Variants in CACNA1C observed in about 807,000 individuals in gnomAD.
The protein encoded by CACNA1C is voltage-dependent L-type calcium channel subunit alpha-1C.
In CACNA1C, 30 loss-of-function variants were observed where a neutral mutation model predicts 229.0. That is an observed-to-expected ratio of 0.13 (90% CI 0.10 to 0.18). The LOEUF is 0.18. Among genes scored for constraint, CACNA1C ranks in the 10% least tolerant of loss-of-function variants. The probability of loss-of-function intolerance (pLI) is 1.00; values close to 1 mark genes in which losing one functional copy is unlikely to be tolerated. For synonymous variants in CACNA1C, 1,114 were observed against 1,132.5 expected (o/e 0.98, Z 0.33); for missense variants, 1,658 against 2,845.0 (o/e 0.58, Z 9.49).
At chr12:2,247,804 T>C (rs555323755) in intron 3 of CACNA1C, among the ~76,000 whole-genome samples, 1 of 152,278 alleles carries the variant, frequency 6.6e-6, no homozygotes, top group East Asian at 1.9e-4. Flanking sequence ...AGTCTCGTTC[T>C]CACCTGCTCC....
chr12:2,233,982 C>A (rs944793336), intron 3 of CACNA1C, among the ~76,000 whole-genome samples: 1 of 152,214 alleles, frequency 6.6e-6, no homozygotes, highest in Non-Finnish European at 1.5e-5. Context: ...CCAGGTCCAC[C>A]CTTCCCACTT....
At chr12:2,330,883 T>C (rs2096525110) in intron 3 of CACNA1C, among the ~76,000 whole-genome samples, 1 of 152,060 alleles carries the variant, frequency 6.6e-6, no homozygotes, top group African/African-American at 2.4e-5. Flanking sequence ...AAGAAGAAAA[T>C]AGAGTATCAA....
chr12:2,668,460 G>A (rs954300165), intron 37 of CACNA1C: 4 of 157,476 alleles, frequency 2.5e-5, no homozygotes, highest in Admixed American at 6.2e-5. Context: ...TGTGTATTAG[G>A]CCATCCTTGC....
chr12:2,305,720 A>G (rs1436454434), intron 3 of CACNA1C, among the ~76,000 whole-genome samples: 1 of 152,152 alleles, frequency 6.6e-6, no homozygotes, highest in Non-Finnish European at 1.5e-5. Context: ...GTGCATGCCT[A>G]TAATCCCAGC....
At chr12:2,615,721 G>A (rs2080156485) in intron 29 of CACNA1C, among the ~76,000 whole-genome samples, 1 of 152,214 alleles carries the variant, frequency 6.6e-6, no homozygotes, top group Admixed American at 6.5e-5. Flanking sequence ...AGCAGTGTCT[G>A]TCTCAGCTAC....
intron 3 of CACNA1C, among the ~76,000 whole-genome samples, chr12:2,416,613 A>G (rs1175924087): frequency 1.3e-5 from 2 of 152,188 alleles, no homozygotes; most frequent in Non-Finnish European, 2.9e-5. Flanking sequence ...TCTGGGCTCA[A>G]CCACCACGCT....
At chr12:2,321,383 A>T (rs920964027) in intron 3 of CACNA1C, among the ~76,000 whole-genome samples, 1 of 151,140 alleles carries the variant, frequency 6.6e-6, no homozygotes, top group Non-Finnish European at 1.5e-5. Flanking sequence ...CCTTATCTGT[A>T]AAATGGGCAC....
intron 1 of CACNA1C, among the ~76,000 whole-genome samples, chr12:2,036,346 C>T (rs1309746722): frequency 1.3e-5 from 2 of 152,168 alleles, no homozygotes; most frequent in Non-Finnish European, 2.9e-5. Flanking sequence ...CTCTGATCAT[C>T]TATTGCACAG....
intron 9 of CACNA1C, among the ~76,000 whole-genome samples, chr12:2,531,822 G>A (rs1471830972): frequency 2.0e-5 from 3 of 152,108 alleles, no homozygotes; most frequent in African/African-American, 7.2e-5. Context: ...GTGTCCTGAG[G>A]TTCTCTCCTT....
intron 3 of CACNA1C, among the ~76,000 whole-genome samples, chr12:2,305,998 G>C (rs1200517786): frequency 1.3e-5 from 2 of 152,194 alleles, no homozygotes; most frequent in African/African-American, 4.8e-5. Flanking sequence ...CCACTTTACA[G>C]TTGAAGAAAC....
chr12:2,406,367 C>A (rs1229363147), intron 3 of CACNA1C, among the ~76,000 whole-genome samples: 1 of 152,134 alleles, frequency 6.6e-6, no homozygotes, highest in Non-Finnish European at 1.5e-5. Flanking sequence ...TCTTTCTCTC[C>A]TTCTGGAACT....
At chr12:2,505,862 A>T (rs1036520820) in intron 8 of CACNA1C, among the ~76,000 whole-genome samples, 1 of 152,114 alleles carries the variant, frequency 6.6e-6, no homozygotes, top group Non-Finnish European at 1.5e-5. Flanking sequence ...GGAGGGGGGT[A>T]ATCTACTTCT....
At chr12:2,168,361 C>T (rs958852180) in intron 3 of CACNA1C, among the ~76,000 whole-genome samples, 22 of 152,196 alleles carry the variant, frequency 1.4e-4, no homozygotes, top group African/African-American at 4.8e-4. Context: ...AGGGGTTGAA[C>T]TAGATGATCA....
intron 29 of CACNA1C, among the ~76,000 whole-genome samples, chr12:2,618,238 C>G (rs2081587024): frequency 6.6e-6 from 1 of 152,200 alleles, no homozygotes; most frequent in Admixed American, 6.5e-5. Flanking sequence ...AGTCAAAGGT[C>G]AGATCTGCTT....
intron 1 of CACNA1C, among the ~76,000 whole-genome samples, chr12:2,064,392 CAT>C (rs1049763960): frequency 2.6e-5 from 4 of 152,186 alleles, no homozygotes; most frequent in East Asian, 1.9e-4. Flanking sequence ...TGGCTCCCCT[CAT>C]GTGTGGCTGG....
chr12:2,004,234 C>T (rs1383552555), intron 1 of CACNA1C: 2 of 1,607,538 alleles, frequency 1.2e-6, no homozygotes, highest in Non-Finnish European at 1.7e-6. Context: ...ACGCCCCCCG[C>T]CTCCACCCCA....
rs755776209 is a variant in CACNA1C, at chr12:2,504,421, C to T, written c.1114-421C>T. The T allele has an allele frequency of 2.7e-6, 4 of 1,489,172 alleles. No individual in the cohort carries two copies. The Admixed American group carries it at 5.0e-5, about 19-fold the overall frequency. The allele number at this position is 1,489,172 out of a possible 1,614,324, so 92.2% of individuals were successfully genotyped here. A position where few individuals can be genotyped will look rare whatever the true frequency, so the allele number is the denominator to read the frequency against. ...ATTCTGCTTCTTCTTTCCTAACTTT[C>T]CTTCGTCTTTCCAGATGCAGGACGC... On this transcript the variant is annotated intron_variant, in intron 7 of 46. Coordinates refer to ENST00000399655, the MANE Select transcript of CACNA1C (RefSeq NM_000719.7). The surrounding 1 kb of genome is among the most constrained non-coding windows in gnomAD (Gnocchi z 6.8).
At chr12:2,564,539 A>G (rs868466021) in intron 11 of CACNA1C, among the ~76,000 whole-genome samples, 15 of 152,144 alleles carry the variant, frequency 9.9e-5, no homozygotes, top group Admixed American at 7.2e-4. Context: ...CAAGCCCTAC[A>G]GGTGCCCCAA....
intron 3 of CACNA1C, among the ~76,000 whole-genome samples, chr12:2,320,648 G>T (rs1049278854): frequency 1.3e-5 from 2 of 152,172 alleles, no homozygotes; most frequent in Non-Finnish European, 2.9e-5. Flanking sequence ...CTCTCTGGGG[G>T]TGGATGGTTC....
Sources: allele counts gnomAD v4.1 joint callset (sites outside exome capture counted in the v4.1 genomes callset), GRCh38; gene constraint gnomAD v4.1.1; non-coding constraint Gnocchi (gnomAD v3.1); transcripts MANE v1.5; gene names NCBI Gene and HGNC (gene_info 2026-07-23, HGNC 2026-07-21).